LRP1B: variants seen among roughly 807,000 people sequenced by gnomAD.
LRP1B encodes the protein LDL receptor related protein 1B, also known as low-density lipoprotein receptor-related protein 1B.
Under a neutral mutation model 556.6 loss-of-function variants are expected in LRP1B, and 217 were observed. That is an observed-to-expected ratio of 0.39 (90% confidence interval 0.35 to 0.44). The LOEUF (loss-of-function observed/expected upper bound fraction) is 0.44, where lower values mean the gene tolerates loss of function less well. Ranked by LOEUF, LRP1B falls within the 20% of genes least tolerant of loss-of-function variation. The probability of loss-of-function intolerance (pLI) is 1.00; values close to 1 mark genes in which losing one functional copy is unlikely to be tolerated. For missense variants in LRP1B, 5,053 were observed against 5,620.8 expected (o/e 0.90, Z 3.23); for synonymous variants, 2,047 against 1,865.8 (o/e 1.10, Z -2.50).
chr2:140,908,344 T>C (rs923671552), intron 21 of LRP1B, among the ~76,000 whole-genome samples: 2 of 121,450 alleles, frequency 1.6e-5, no homozygotes, highest in Admixed American at 1.0e-4. Context: ...TATATATATA[T>C]ACATATATTT....
At chr2:141,916,805 C>G (rs1171150011) in intron 1 of LRP1B, among the ~76,000 whole-genome samples, 1 of 151,980 alleles carries the variant, frequency 6.6e-6, no homozygotes, top group Non-Finnish European at 1.5e-5. Flanking sequence ...GTTGAAAAAC[C>G]AACTGTTGGG....
chr2:141,016,540 C>T (rs545720155), intron 12 of LRP1B, among the ~76,000 whole-genome samples: 2 of 152,146 alleles, frequency 1.3e-5, no homozygotes, highest in East Asian at 1.9e-4. Flanking sequence ...GATGATTTAG[C>T]TGCACGTAAG....
At chr2:141,532,271 T>G (rs1214335929) in intron 2 of LRP1B, among the ~76,000 whole-genome samples, 7 of 151,894 alleles carry the variant, frequency 4.6e-5, no homozygotes, top group Non-Finnish European at 1.0e-4. Flanking sequence ...ATTCATTTTC[T>G]GGTGTTTTTT....
chr2:142,076,682 T>C (rs1705514838), intron 1 of LRP1B, among the ~76,000 whole-genome samples: 1 of 152,070 alleles, frequency 6.6e-6, no homozygotes, highest in South Asian at 2.1e-4. Context: ...GTAGTAAGGA[T>C]TTTTGTTGGA....
intron 2 of LRP1B, among the ~76,000 whole-genome samples, chr2:141,514,574 G>C (rs1323111912): frequency 6.6e-6 from 1 of 152,150 alleles, no homozygotes; most frequent in East Asian, 1.9e-4. Context: ...GGTCAGAAAA[G>C]AGCCATAACG....
At chr2:141,585,885 CT>C (rs11459511) in intron 2 of LRP1B, among the ~76,000 whole-genome samples, 1,712 of 144,156 alleles carry the variant, frequency 0.012, 15 homozygotes, top group Middle Eastern at 0.025. Flanking sequence ...TACAGGTGCA[CT>C]TTTTTTTTTT....
intron 43 of LRP1B, among the ~76,000 whole-genome samples, chr2:140,543,178 A>G (rs1018225480): frequency 1.3e-5 from 2 of 152,152 alleles, no homozygotes; most frequent in Non-Finnish European, 2.9e-5. Flanking sequence ...GAATATAAAA[A>G]TGTATACCAG....
At chr2:141,150,285 T>C (rs1244172917) in intron 7 of LRP1B, among the ~76,000 whole-genome samples, 2 of 152,216 alleles carry the variant, frequency 1.3e-5, no homozygotes, top group Non-Finnish European at 2.9e-5. Context: ...AGTTCAAAGA[T>C]ACATTGTTTA....
At chr2:140,363,748 G>T (rs766610239) in intron 72 of LRP1B, among the ~76,000 whole-genome samples, 1 of 151,000 alleles carries the variant, frequency 6.6e-6, no homozygotes, top group Non-Finnish European at 1.5e-5. Flanking sequence ...ATTTTTCCCT[G>T]CACTTTTGTA....
At chr2:141,494,042 G>T (rs929376295) in intron 2 of LRP1B, among the ~76,000 whole-genome samples, 1 of 151,994 alleles carries the variant, frequency 6.6e-6, no homozygotes, top group African/African-American at 2.4e-5. Context: ...TTTTCTCTTT[G>T]GTGGGCCATC....
At chr2:141,491,226 T>C (rs1284035570) in intron 2 of LRP1B, among the ~76,000 whole-genome samples, 1 of 152,118 alleles carries the variant, frequency 6.6e-6, no homozygotes, top group Non-Finnish European at 1.5e-5. Context: ...ATTTAATCAA[T>C]GAATCAGAAA....
At chr2:140,321,316 T>A (rs1680110142) in intron 82 of LRP1B, among the ~76,000 whole-genome samples, 1 of 152,036 alleles carries the variant, frequency 6.6e-6, no homozygotes, top group South Asian at 2.1e-4. Context: ...GCTTCTAGCT[T>A]CTGAAATACA....
intron 41 of LRP1B, among the ~76,000 whole-genome samples, chr2:140,613,944 G>A (rs1362569949): frequency 1.3e-5 from 2 of 152,002 alleles, no homozygotes; most frequent in African/African-American, 4.8e-5. Flanking sequence ...CCTTTCTTAA[G>A]GACCTGAAAG....
chr2:141,342,625 G>A (rs1688108832), intron 3 of LRP1B, among the ~76,000 whole-genome samples: 1 of 151,928 alleles, frequency 6.6e-6, no homozygotes, highest in Non-Finnish European at 1.5e-5. Flanking sequence ...GGATATCAGA[G>A]ATCGAAGAAC....
intron 1 of LRP1B, among the ~76,000 whole-genome samples, chr2:141,917,400 T>C (rs1700065974): frequency 6.6e-6 from 1 of 152,230 alleles, no homozygotes. Context: ...GCTTTATCAA[T>C]ATGTATACCC....
At chr2:140,608,852 T>G (rs935897056) in intron 41 of LRP1B, among the ~76,000 whole-genome samples, 1 of 152,186 alleles carries the variant, frequency 6.6e-6, no homozygotes, top group African/African-American at 2.4e-5. Flanking sequence ...GTTTGTTTGT[T>G]TGACCCAGTG....
chr2:140,527,471 C>T (rs181893399), intron 47 of LRP1B, among the ~76,000 whole-genome samples: 1 of 151,966 alleles, frequency 6.6e-6, no homozygotes, highest in East Asian at 1.9e-4. Flanking sequence ...GTGTGTATGT[C>T]ATTTGTATTT....
rs114963627 is a variant in LRP1B at position 140,799,096 on chromosome 2, G to A, written c.5359+14561C>T. Among the ~76,000 whole-genome samples the A allele has an allele frequency of 4.6e-3, 702 of 152,084 alleles. 7 individuals carry two copies. Among genetic ancestry groups the A allele is most frequent in the African/African-American group, 0.016 (679 of 41,484 alleles). On this transcript the variant is annotated intron_variant, in intron 32 of 90. Transcript: ENST00000389484. ...TAAACGCATATATATGATAAAAGCT[G>A]GAGCAGTCTATACAGACTTTTAAAA...
intron 43 of LRP1B, among the ~76,000 whole-genome samples, chr2:140,598,428 T>C (rs1336336570): frequency 6.6e-6 from 1 of 152,190 alleles, no homozygotes; most frequent in African/African-American, 2.4e-5. Flanking sequence ...GTCTCTATGG[T>C]AGCAAATGCA....
Sources: allele counts gnomAD v4.1 joint callset (sites outside exome capture counted in the v4.1 genomes callset), GRCh38; gene constraint gnomAD v4.1.1; transcripts MANE v1.5; gene names NCBI Gene and HGNC (gene_info 2026-07-23, HGNC 2026-07-21).